Variants in C1orf141 observed in about 807,000 individuals in gnomAD.
C1orf141 encodes the protein uncharacterized protein C1orf141.
C1orf141 carries 19 observed loss-of-function variants against 23.2 expected under a neutral mutation model. The ratio of observed to expected loss-of-function variants is 0.82; its 90% CI spans 0.57 to 1.20. The LOEUF (loss-of-function observed/expected upper bound fraction) is 1.20, where lower values mean the gene tolerates loss of function less well. Ranked by LOEUF, C1orf141 falls within the 50% of genes most tolerant of loss-of-function variation. The pLI is 0.00. For synonymous variants in C1orf141, 153 were observed against 154.6 expected (o/e 0.99, Z 0.08); for missense variants, 469 against 455.1 (o/e 1.03, Z -0.28).
chr1:67,126,498 A>C (rs1646416406), intron 3 of C1orf141, among the ~76,000 whole-genome samples: 1 of 152,258 alleles, frequency 6.6e-6, no homozygotes, highest in South Asian at 2.1e-4. Flanking sequence ...AAACCCTGAA[A>C]GCAAAATCAA....
chr1:67,105,020 T>C (rs1321154), intron 5 of C1orf141, among the ~76,000 whole-genome samples: 136,739 of 152,224 alleles, frequency 0.9, 61,713 homozygotes, highest in East Asian at 0.97. Flanking sequence ...AAAGATAATA[T>C]TTTCTTAATG....
chr1:67,100,567 T>C (rs2102424697), intron 5 of C1orf141, among the ~76,000 whole-genome samples: 1 of 152,286 alleles, frequency 6.6e-6, no homozygotes. Flanking sequence ...TTTTCCTGGT[T>C]CATGGGGTAC....
rs554727803 is a variant in C1orf141, at chr1:67,132,375, T to C, written c.-103-1148A>G. Among the ~76,000 whole-genome samples, 3 of 152,118 alleles carry C rather than the reference T, an allele frequency of 2.0e-5. No homozygotes were observed. In the East Asian group the frequency reaches 5.8e-4, roughly 30 times the overall value. On this transcript the variant is annotated intron_variant, in intron 1 of 7. Coordinates refer to ENST00000684719, the MANE Select transcript of C1orf141 (RefSeq NM_001276351.2). Reference sequence around the variant, plus strand: ...GTCTACTAAAAATACAAAAAAAAATTAGCTGGTCATGGTGGCGCACGCCTG... The same window carrying C: ...GTCTACTAAAAATACAAAAAAAAATCAGCTGGTCATGGTGGCGCACGCCTG...
At chr1:67,114,579 T>C (rs1449628274) in intron 5 of C1orf141, among the ~76,000 whole-genome samples, 1 of 152,192 alleles carries the variant, frequency 6.6e-6, no homozygotes, top group Admixed American at 6.5e-5. Context: ...ATTGAATGAT[T>C]GTTTGATAAT....
At chr1:67,140,044 C>T (rs1321022639) in intron 1 of C1orf141, among the ~76,000 whole-genome samples, 2 of 152,150 alleles carry the variant, frequency 1.3e-5, no homozygotes, top group Non-Finnish European at 2.9e-5. Context: ...CAGAGACCTC[C>T]CAGCAGCAAG....
chr1:67,103,323 T>G (rs1473709267), intron 5 of C1orf141: 2 of 1,491,396 alleles, frequency 1.3e-6, no homozygotes, highest in Non-Finnish European at 9.0e-7. Flanking sequence ...AACCCAGTGA[T>G]CTTCTACATG....
chr1:67,095,097 T>G (rs751761136), intron 7 of C1orf141, 138 bp downstream of exon 7: 4 of 554,422 alleles, frequency 7.2e-6, no homozygotes, highest in Non-Finnish European at 1.2e-5. Context: ...AGAACTTAAG[T>G]GCTGTTATCA....
At chr1:67,120,619 G>A (rs1646279368) in intron 4 of C1orf141, among the ~76,000 whole-genome samples, 1 of 152,148 alleles carries the variant, frequency 6.6e-6, no homozygotes, top group Non-Finnish European at 1.5e-5. Flanking sequence ...TAAGACATGA[G>A]AGAGGTGCTA....
Position 67,092,969 on chromosome 1 carries a change from T to C in C1orf141, c.*36A>G. The stretch of plus-strand genomic sequence containing the variant: ...ATAATTTTGGAACTTGGATATTTGC[T>C]TCTTGTTACTCAAATATTGCTGCAT... On this transcript the variant is annotated 3_prime_UTR_variant, in exon 8 of 8. Coordinates refer to ENST00000684719, the MANE Select transcript of C1orf141 (RefSeq NM_001276351.2). 6.7e-7 allele frequency: 1 copy of C among 1,489,764 alleles called. No homozygotes were observed. The highest frequency in any genetic ancestry group is 1.4e-5 in the African/African-American group (1 of 70,868). The allele number at this position is 1,489,764 out of a possible 1,614,324, so 92.3% of individuals were successfully genotyped here. A position where few individuals can be genotyped will look rare whatever the true frequency, so the allele number is the denominator to read the frequency against.
chr1:67,113,914 G>A (rs979492381), intron 5 of C1orf141, among the ~76,000 whole-genome samples: 4 of 152,058 alleles, frequency 2.6e-5, no homozygotes, highest in Non-Finnish European at 5.9e-5. Flanking sequence ...AGATGATAAG[G>A]GATCCCTGGT....
At chr1:67,137,481 C>A (rs1191905412), upstream of C1orf141, among the ~76,000 whole-genome samples, 1 of 152,212 alleles carries the variant, frequency 6.6e-6, no homozygotes, top group Non-Finnish European at 1.5e-5. Context: ...CTTCATCACA[C>A]AGGCATAATC....
In C1orf141 at chr1:67,092,647, A is replaced by G. The variant is rs1010879703; in HGVS notation, c.*358T>C. The G allele has an allele frequency of 6.1e-6, 1 of 162,974 alleles. No homozygotes were observed. The highest frequency in any genetic ancestry group is 6.0e-5 in the Admixed American group (1 of 16,552). 10.1% of individuals were successfully genotyped at this position (162,974 alleles called of 1,614,324 possible). A position where few individuals can be genotyped will look rare whatever the true frequency, so the allele number is the denominator to read the frequency against. ...TTATTTGATATTCAATTATAGAACA[A>G]GAGTATTGATGTTATTTGGCTTCCA... is the stretch of plus-strand genomic sequence containing the variant. On this transcript the variant is annotated 3_prime_UTR_variant, in exon 8 of 8. Coordinates refer to ENST00000684719, the MANE Select transcript of C1orf141 (RefSeq NM_001276351.2).
chr1:67,095,050 A>G, intron 7 of C1orf141, 185 bp downstream of exon 7: 1 of 490,008 alleles, frequency 2.0e-6, no homozygotes, highest in Non-Finnish European at 3.6e-6. Context: ...GCTGGTATAA[A>G]GGAATCCCTG....
At chr1:67,132,641 T>G (rs539046812) in intron 1 of C1orf141, among the ~76,000 whole-genome samples, 1 of 152,226 alleles carries the variant, frequency 6.6e-6, no homozygotes, top group African/African-American at 2.4e-5. Context: ...GCGTTTTACA[T>G]CTAACGGGGA....
At chr1:67,098,655 T>C (rs544419551) in intron 5 of C1orf141, among the ~76,000 whole-genome samples, 64 of 152,298 alleles carry the variant, frequency 4.2e-4, no homozygotes, top group African/African-American at 1.5e-3. Context: ...TCTTAAGATA[T>C]ACACCTCAAT....
chr1:67,105,958 C>T (rs574507724), intron 5 of C1orf141, among the ~76,000 whole-genome samples: 3 of 152,168 alleles, frequency 2.0e-5, no homozygotes, highest in African/African-American at 2.4e-5. Context: ...AAGATGGCAG[C>T]TCCATTCCCT....
At chr1:67,112,694 G>A (rs1014135354) in intron 5 of C1orf141, among the ~76,000 whole-genome samples, 2 of 152,056 alleles carry the variant, frequency 1.3e-5, no homozygotes, top group Non-Finnish European at 2.9e-5. Flanking sequence ...GAGTGAGACC[G>A]TGTCAGAAAA....
Position 67,093,151 on chromosome 1 carries a change from C to G in C1orf141, c.1057G>C (p.Ala353Pro), listed in dbSNP as rs1288463470. Residue 353 changes from alanine (A) to proline (P), a missense_variant, in exon 8 of 8, where the codon GCA (alanine) becomes CCA (proline). Ala to Pro is a conservative substitution (Grantham distance 27). This residue lies in a region of C1orf141 where 370 missense variants were observed against 348.1 expected (regional missense o/e 1.06). Coordinates refer to ENST00000684719, the MANE Select transcript of C1orf141 (RefSeq NM_001276351.2). ...QTGKFERMFSAGKPTSIPTSS... is the reference protein window; with the variant it reads ...QTGKFERMFSPGKPTSIPTSS... ...GTGGGTATGCTCGTTGGTTTTCCTG[C>G]AGAAAACATTCTTTCAAATTTTCCA... The G allele has an allele frequency of 6.2e-7, 1 of 1,613,918 alleles. No homozygotes were observed. Among genetic ancestry groups the G allele is most frequent in the Non-Finnish European group, 8.5e-7 (1 of 1,179,870 alleles).
intron 6 of C1orf141, chr1:67,096,011 A>G (rs1054565255): frequency 6.6e-6 from 2 of 301,638 alleles, no homozygotes; most frequent in Middle Eastern, 9.7e-4. Context: ...AAATGTGTGT[A>G]TTTACTAAAA....
Sources: allele counts gnomAD v4.1 joint callset (sites outside exome capture counted in the v4.1 genomes callset), GRCh38; gene constraint gnomAD v4.1.1; regional missense constraint gnomAD v4.1.1; transcripts MANE v1.5; gene names NCBI Gene and HGNC (gene_info 2026-07-23, HGNC 2026-07-21).